CAMTA1: variants seen among roughly 807,000 people sequenced by gnomAD.
CAMTA1 encodes calmodulin binding transcription activator 1.
A neutral mutation model predicts 170.9 loss-of-function variants in CAMTA1; 27 were observed. The ratio of observed to expected loss-of-function variants is 0.16; its 90% CI spans 0.12 to 0.22. The LOEUF (loss-of-function observed/expected upper bound fraction) is 0.22, where lower values mean the gene tolerates loss of function less well. Ranked by LOEUF, CAMTA1 falls within the 10% of genes least tolerant of loss-of-function variation. CAMTA1 has a pLI of 1.00. For synonymous variants in CAMTA1, 833 were observed against 891.5 expected (o/e 0.93, Z 1.17); for missense variants, 1,619 against 2,217.2 (o/e 0.73, Z 5.42).
intron 1 of CAMTA1, among the ~76,000 whole-genome samples, chr1:6,819,957 A>T (rs1646297825): frequency 6.6e-6 from 1 of 152,206 alleles, no homozygotes; most frequent in Admixed American, 6.5e-5. Flanking sequence ...TTGTCTCTTC[A>T]ATCTCTTAAT....
chr1:7,745,847 G>T lies in CAMTA1; in HGVS notation c.4373G>T (p.Ser1458Ile). 6.2e-7 allele frequency: 1 copy of T among 1,614,106 alleles called. No homozygotes were observed. Reference sequence around the variant, plus strand: ...TCCTTTTTCTCCTCTTGTTTCAGAAGTGCATATAACGAGCCTCTAACCCCT... The same window carrying T: ...TCCTTTTTCTCCTCTTGTTTCAGAATTGCATATAACGAGCCTCTAACCCCT... The part of the protein sequence containing the change: ...DCLPSAAQIR[S>I]AYNEPLTPSS... Residue 1458 changes from serine (S) to isoleucine (I), a missense_variant and splice_region_variant, in exon 18 of 23, where the codon AGT becomes ATT. Physicochemically the swap from Ser to Ile is moderately radical, Grantham distance 142. Transcript: ENST00000303635.
chr1:7,651,253 A>C (rs976211492), intron 7 of CAMTA1, among the ~76,000 whole-genome samples: 3 of 152,116 alleles, frequency 2.0e-5, no homozygotes, highest in Non-Finnish European at 4.4e-5. Context: ...GCCCAGATGG[A>C]GGAGGAGGAC....
chr1:7,390,850 C>G (rs188643030), intron 5 of CAMTA1, among the ~76,000 whole-genome samples: 1 of 152,352 alleles, frequency 6.6e-6, no homozygotes, highest in Admixed American at 6.5e-5. Context: ...ACACCAAGCA[C>G]TGGGGGCTGG....
intron 5 of CAMTA1, among the ~76,000 whole-genome samples, chr1:7,418,481 G>C (rs948488158): frequency 2.6e-5 from 4 of 152,144 alleles, no homozygotes; most frequent in African/African-American, 9.7e-5. Flanking sequence ...TTACAGGCAT[G>C]AGCCACCGTG....
At chr1:7,375,449 G>A (rs2086773148) in intron 5 of CAMTA1, among the ~76,000 whole-genome samples, 2 of 152,184 alleles carry the variant, frequency 1.3e-5, no homozygotes, top group Non-Finnish European at 2.9e-5. Context: ...TTGTTGCTAT[G>A]GCAACTGGCC....
intron 4 of CAMTA1, among the ~76,000 whole-genome samples, chr1:7,147,022 CA>C (rs1646236242): frequency 1.3e-5 from 2 of 152,110 alleles, no homozygotes; most frequent in East Asian, 3.9e-4. Flanking sequence ...ATGCACCATG[CA>C]CACACACTCA....
intron 3 of CAMTA1, among the ~76,000 whole-genome samples, chr1:6,850,292 A>G (rs554545769): frequency 3.9e-5 from 6 of 152,342 alleles, no homozygotes; most frequent in Non-Finnish European, 7.3e-5. Context: ...GTAAATGGCA[A>G]ACTAGGAAAA....
In CAMTA1 at chr1:7,309,648, C is replaced by G. The variant is rs958635367; in HGVS notation, c.438+60022C>G. Reference sequence around the variant, plus strand: ...TGTTCCTTTGTTTCCTCTTTCCTGCCGCCTTTTATGTTATTTGAACAATTT... The same window carrying G: ...TGTTCCTTTGTTTCCTCTTTCCTGCGGCCTTTTATGTTATTTGAACAATTT... On this transcript the variant is annotated intron_variant, in intron 5 of 22. Coordinates refer to ENST00000303635, the MANE Select transcript of CAMTA1 (RefSeq NM_015215.4). 1.8e-4 allele frequency among the ~76,000 whole-genome samples: 28 copies of G among 152,064 alleles called. No individual in the cohort carries two copies. The East Asian group carries it at 3.9e-3, about 21-fold the overall frequency.
At chr1:7,475,749 C>T (rs534031367) in intron 6 of CAMTA1, among the ~76,000 whole-genome samples, 1 of 152,322 alleles carries the variant, frequency 6.6e-6, no homozygotes, top group East Asian at 1.9e-4. Flanking sequence ...GGAAACAGGG[C>T]AGGGGTGAGT....
At chr1:6,902,066 CACACACAAAA>C (rs1214843296) in intron 3 of CAMTA1, among the ~76,000 whole-genome samples, 4 of 125,222 alleles carry the variant, frequency 3.2e-5, no homozygotes, top group Admixed American at 1.5e-4. Context: ...CACACACACA[CACACACAAAA>C]AAAAAAATAA....
chr1:7,129,942 TGTG>T (rs1645150692), intron 4 of CAMTA1, among the ~76,000 whole-genome samples: 1 of 151,874 alleles, frequency 6.6e-6, no homozygotes, highest in Non-Finnish European at 1.5e-5. Context: ...TGTGTGTGTG[TGTG>T]TGTGTGTGTG....
chr1:7,288,127 C>G (rs187397840), intron 5 of CAMTA1, among the ~76,000 whole-genome samples: 1 of 152,164 alleles, frequency 6.6e-6, no homozygotes, highest in African/African-American at 2.4e-5. Flanking sequence ...TACAGAGAGG[C>G]CACCTGACCT....
intron 5 of CAMTA1, among the ~76,000 whole-genome samples, chr1:7,306,666 A>G (rs1675634682): frequency 6.6e-6 from 1 of 151,940 alleles, no homozygotes; most frequent in African/African-American, 2.4e-5. Flanking sequence ...TATAGTTACA[A>G]AAAGAATCCT....
intron 6 of CAMTA1, among the ~76,000 whole-genome samples, chr1:7,475,445 G>C (rs1448540735): frequency 6.6e-6 from 1 of 152,232 alleles, no homozygotes; most frequent in African/African-American, 2.4e-5. Context: ...GTCGCTCCCT[G>C]AGGGGTCCTG....
chr1:7,043,686 G>T (rs949733541), intron 3 of CAMTA1, among the ~76,000 whole-genome samples: 162 of 152,236 alleles, frequency 1.1e-3, no homozygotes, highest in African/African-American at 3.8e-3. Context: ...GCCTTTATTA[G>T]CAGTGGCTCC....
chr1:7,056,875 G>A (rs1252824731), intron 3 of CAMTA1, among the ~76,000 whole-genome samples: 1 of 152,176 alleles, frequency 6.6e-6, no homozygotes, highest in Non-Finnish European at 1.5e-5. Context: ...GGCCATGAGA[G>A]CCGATCGTCT....
At chr1:7,197,702 C>T (rs995434009) in intron 4 of CAMTA1, among the ~76,000 whole-genome samples, 1 of 148,556 alleles carries the variant, frequency 6.7e-6, no homozygotes, top group Admixed American at 6.7e-5. Flanking sequence ...TTTATCTGCT[C>T]ATTTCATTGA....
Position 7,064,184 on chromosome 1 carries a change from C to T in CAMTA1, c.235-27120C>T, listed in dbSNP as rs751963965. On this transcript the variant is annotated intron_variant, in intron 3 of 22. Coordinates refer to ENST00000303635, the MANE Select transcript of CAMTA1 (RefSeq NM_015215.4). This position sits in a 1 kb window ranked among gnomAD's most constrained non-coding sequence, Gnocchi z 5.4. ...TCCTCCTCTTCCTTCTTCTTCTCCT[C>T]CTCCTCCTCTTCTTTCTCCCCTTTC... 7.3e-5 allele frequency among the ~76,000 whole-genome samples: 11 copies of T among 151,708 alleles called. No homozygotes were observed. The highest frequency in any genetic ancestry group is 2.0e-4 in the Admixed American group (3 of 15,220).
intron 3 of CAMTA1, among the ~76,000 whole-genome samples, chr1:6,851,871 G>A (rs145042023): frequency 0.01 from 1,590 of 151,940 alleles, 35 homozygotes; most frequent in African/African-American, 0.036. Context: ...AAAATTAGCC[G>A]GGCGTGGTGG....
Sources: allele counts gnomAD v4.1 joint callset (sites outside exome capture counted in the v4.1 genomes callset), GRCh38; gene constraint gnomAD v4.1.1; non-coding constraint Gnocchi (gnomAD v3.1); transcripts MANE v1.5; gene names NCBI Gene and HGNC (gene_info 2026-07-23, HGNC 2026-07-21).